Variants in SLC35F3 observed in about 807,000 individuals in gnomAD.
SLC35F3 encodes the protein solute carrier family 35 member F3, also known as putative thiamine transporter SLC35F3.
In SLC35F3, 25 loss-of-function variants were observed where a neutral mutation model predicts 49.9. That is an observed-to-expected ratio of 0.50 (90% CI 0.37 to 0.70). The LOEUF (loss-of-function observed/expected upper bound fraction) is 0.70. SLC35F3 is among the 30% of genes least tolerant of loss of function. SLC35F3 has a pLI of 0.00. For missense variants in SLC35F3, 525 were observed against 639.8 expected (o/e 0.82, Z 1.94); for synonymous variants, 275 against 265.4 (o/e 1.04, Z -0.35).
At chr1:234,308,063 C>T (rs1184182285) in intron 3 of SLC35F3, among the ~76,000 whole-genome samples, 1 of 152,184 alleles carries the variant, frequency 6.6e-6, no homozygotes, top group Non-Finnish European at 1.5e-5. Flanking sequence ...AGACTTTCTT[C>T]TACAGATGTT....
intron 2 of SLC35F3, among the ~76,000 whole-genome samples, chr1:234,066,062 A>G (rs564755486): frequency 3.3e-5 from 5 of 152,320 alleles, no homozygotes; most frequent in East Asian, 3.9e-4. Flanking sequence ...ATCCGTATCA[A>G]TGGGAATGGT....
chr1:234,163,292 C>T lies in SLC35F3; in HGVS notation c.284-68125C>T, dbSNP rs113712922. The stretch of plus-strand genomic sequence containing the variant: ...TTCTCTCGTAAGTACCCACATGCCT[C>T]GGTGATGCAGTGCACCTCTTGTTTG... On this transcript the variant is annotated intron_variant, in intron 2 of 7. Transcript: ENST00000366618. 6.2e-3 allele frequency among the ~76,000 whole-genome samples: 942 copies of T among 152,268 alleles called. 13 individuals are homozygous for T. The highest frequency in any genetic ancestry group is 0.022 in the African/African-American group (899 of 41,550).
intron 2 of SLC35F3, among the ~76,000 whole-genome samples, chr1:234,137,769 C>T (rs138888257): frequency 2.2e-4 from 34 of 152,212 alleles, no homozygotes; most frequent in South Asian, 6.2e-4. Flanking sequence ...CAAGTAGCTG[C>T]AAATTAGCAG....
intron 2 of SLC35F3, among the ~76,000 whole-genome samples, chr1:234,071,814 G>A (rs1432369049): frequency 6.6e-5 from 10 of 152,150 alleles, no homozygotes; most frequent in Admixed American, 6.5e-4. Context: ...GTAATTAATG[G>A]CCAAGGACCA....
chr1:234,108,408 T>A lies in SLC35F3; in HGVS notation c.284-123009T>A, dbSNP rs60394239. On this transcript the variant is annotated intron_variant, in intron 2 of 7. Transcript: ENST00000366618. ...TATAAAAGATATATATTTATATATA[T>A]GATATATATTATTTATATATAAAAG... 7.3e-5 allele frequency among the ~76,000 whole-genome samples: 7 copies of A among 95,960 alleles called. 1 individual carries two copies. Among genetic ancestry groups the A allele is most frequent in the East Asian group, 4.5e-3 (2 of 440 alleles). The allele number at this position is 95,960 out of a possible 152,430, so 63.0% of individuals were successfully genotyped here. A position where few individuals can be genotyped will look rare whatever the true frequency, so the allele number is the denominator to read the frequency against.
chr1:234,132,294 T>C (rs573737656), intron 2 of SLC35F3, among the ~76,000 whole-genome samples: 1 of 152,362 alleles, frequency 6.6e-6, no homozygotes, highest in African/African-American at 2.4e-5. Context: ...TAATTTAAAT[T>C]ATACCATTTT....
intron 2 of SLC35F3, among the ~76,000 whole-genome samples, chr1:234,018,833 T>C (rs1572021484): frequency 6.6e-6 from 1 of 152,344 alleles, no homozygotes; most frequent in South Asian, 2.1e-4. Context: ...TCTCTAATTT[T>C]CCTATACATT....
intron 2 of SLC35F3, among the ~76,000 whole-genome samples, chr1:233,998,101 G>A (rs1044021453): frequency 6.6e-6 from 1 of 152,002 alleles, no homozygotes; most frequent in African/African-American, 2.4e-5. Context: ...CATTATAGAT[G>A]GATATGTGTG....
At chr1:234,278,775 C>CAGAG (rs150343657) in intron 3 of SLC35F3, among the ~76,000 whole-genome samples, 9,130 of 152,118 alleles carry the variant, frequency 0.06, 321 homozygotes, top group African/African-American at 0.098. Context: ...CCTTATGAGG[C>CAGAG]AGAGAGAGCA....
At chr1:234,011,675 G>T (rs1663722384) in intron 2 of SLC35F3, among the ~76,000 whole-genome samples, 1 of 152,162 alleles carries the variant, frequency 6.6e-6, no homozygotes, top group Non-Finnish European at 1.5e-5. Context: ...CGTAGACATG[G>T]AGACAACATG....
intron 2 of SLC35F3, among the ~76,000 whole-genome samples, chr1:234,024,631 T>C (rs997772002): frequency 1.3e-5 from 2 of 152,092 alleles, no homozygotes; most frequent in African/African-American, 4.8e-5. Context: ...TGGGTGTGCA[T>C]GTTCATATTC....
intron 2 of SLC35F3, among the ~76,000 whole-genome samples, chr1:234,026,331 A>G (rs1007998047): frequency 2.0e-5 from 3 of 152,202 alleles, no homozygotes; most frequent in African/African-American, 7.2e-5. Context: ...TAGTTCTGTA[A>G]GGAACAAAGG....
intron 2 of SLC35F3, among the ~76,000 whole-genome samples, chr1:234,035,726 C>A (rs566492347): frequency 6.6e-6 from 1 of 152,188 alleles, no homozygotes; most frequent in Admixed American, 6.5e-5. Context: ...TTATAAATTT[C>A]TGTTTTATAT....
intron 2 of SLC35F3, among the ~76,000 whole-genome samples, chr1:234,219,403 A>G (rs1667169033): frequency 6.6e-6 from 1 of 152,210 alleles, no homozygotes; most frequent in Admixed American, 6.5e-5. Context: ...CAGTGGCAAA[A>G]GTCATTCATG....
At chr1:234,247,212 T>C (rs1667646135) in intron 3 of SLC35F3, among the ~76,000 whole-genome samples, 2 of 152,240 alleles carry the variant, frequency 1.3e-5, no homozygotes, top group African/African-American at 4.8e-5. Flanking sequence ...AGTGGAATTA[T>C]GTGAATGCAT....
At chr1:234,293,411 G>A (rs1668539133) in intron 3 of SLC35F3, among the ~76,000 whole-genome samples, 1 of 152,154 alleles carries the variant, frequency 6.6e-6, no homozygotes. Context: ...CCAAAAACAA[G>A]GATAACTTTC....
chr1:234,203,794 C>CAAA (rs1666933409), intron 2 of SLC35F3, among the ~76,000 whole-genome samples: 2 of 151,838 alleles, frequency 1.3e-5, no homozygotes, highest in South Asian at 4.2e-4. Context: ...AGAGAAGTCT[C>CAAA]AAGGAAAAAA....
At chr1:233,955,878 CTTT>C (rs869035917) in intron 2 of SLC35F3, among the ~76,000 whole-genome samples, 5 of 48,128 alleles carry the variant, frequency 1.0e-4, no homozygotes, top group East Asian at 7.4e-4. Flanking sequence ...GTGTGGGTAT[CTTT>C]TTTTTTTTTT....
intron 2 of SLC35F3, among the ~76,000 whole-genome samples, chr1:234,168,309 C>T (rs1029314453): frequency 6.6e-6 from 1 of 152,358 alleles, no homozygotes; most frequent in Middle Eastern, 3.4e-3. Flanking sequence ...GGGGTACTCC[C>T]CCAGGGGTCC....
Sources: allele counts gnomAD v4.1 joint callset (sites outside exome capture counted in the v4.1 genomes callset), GRCh38; gene constraint gnomAD v4.1.1; transcripts MANE v1.5; gene names NCBI Gene and HGNC (gene_info 2026-07-23, HGNC 2026-07-21).